The following NR2F1-AS1 variants were observed in gnomAD, a reference collection of about 807,000 sequenced individuals.
The protein encoded by NR2F1-AS1 is NR2F1 regulatory antisense RNA 1.
intron 4 of NR2F1-AS1, among the ~76,000 whole-genome samples, chr5:93,493,625 G>C (rs1395365455): frequency 6.6e-6 from 1 of 152,030 alleles, no homozygotes; most frequent in African/African-American, 2.4e-5. Flanking sequence ...AACCCAAGCA[G>C]TATGGTATTG....
At chr5:93,489,650 TAATAA>T (rs1750796492) in intron 4 of NR2F1-AS1, among the ~76,000 whole-genome samples, 1 of 152,102 alleles carries the variant, frequency 6.6e-6, no homozygotes, top group African/African-American at 2.4e-5. Flanking sequence ...CAGCCTAATT[TAATAA>T]AATTAAAAGA....
chr5:93,472,900 A>G (rs1044977551), intron 4 of NR2F1-AS1, among the ~76,000 whole-genome samples: 1 of 151,958 alleles, frequency 6.6e-6, no homozygotes, highest in Non-Finnish European at 1.5e-5. Flanking sequence ...AATCATTTAA[A>G]TAACCTGCTA....
chr5:93,520,390 C>T (rs1011064296), intron 4 of NR2F1-AS1, among the ~76,000 whole-genome samples: 3 of 152,006 alleles, frequency 2.0e-5, no homozygotes, highest in Non-Finnish European at 4.4e-5. Context: ...TGACAATGCT[C>T]AATTACTCAA....
chr5:93,498,671 A>G (rs567076094), intron 4 of NR2F1-AS1, among the ~76,000 whole-genome samples: 1 of 152,274 alleles, frequency 6.6e-6, no homozygotes, highest in African/African-American at 2.4e-5. Flanking sequence ...AAACATCTAT[A>G]CTGCAAATAG....
At chr5:93,509,188 A>T (rs1364004962) in intron 4 of NR2F1-AS1, among the ~76,000 whole-genome samples, 2 of 152,306 alleles carry the variant, frequency 1.3e-5, no homozygotes, top group East Asian at 3.9e-4. Flanking sequence ...GGTAAATCTC[A>T]AAAACAGAAT....
intron 4 of NR2F1-AS1, among the ~76,000 whole-genome samples, chr5:93,434,038 G>A (rs1031264217): frequency 2.6e-5 from 4 of 151,346 alleles, no homozygotes; most frequent in South Asian, 2.1e-4. Flanking sequence ...TTTTTTTAGC[G>A]TCTATCAATA....
chr5:93,524,022 A>G (rs1751559816), intron 4 of NR2F1-AS1, among the ~76,000 whole-genome samples: 1 of 152,112 alleles, frequency 6.6e-6, no homozygotes, highest in Non-Finnish European at 1.5e-5. Flanking sequence ...AATTGACAGA[A>G]GTAGACTTCA....
chr5:93,421,492 T>C (rs940191747), intron 4 of NR2F1-AS1, among the ~76,000 whole-genome samples: 10 of 152,216 alleles, frequency 6.6e-5, no homozygotes, highest in African/African-American at 2.2e-4. Flanking sequence ...TACAACCAGC[T>C]GCCCCCTCTT....
intron 4 of NR2F1-AS1, among the ~76,000 whole-genome samples, chr5:93,475,777 C>A (rs1463224472): frequency 6.6e-6 from 1 of 152,128 alleles, no homozygotes; most frequent in East Asian, 1.9e-4. Context: ...TTTGAGCACA[C>A]CTGTTTTGAA....
At chr5:93,573,305 G>A (rs907208385) in intron 1 of NR2F1-AS1, among the ~76,000 whole-genome samples, 4 of 152,214 alleles carry the variant, frequency 2.6e-5, no homozygotes, top group African/African-American at 9.6e-5. Context: ...CCCCTTGTTG[G>A]TAAAGGCGAG....
At chr5:93,434,197 A>C (rs1749387040) in intron 4 of NR2F1-AS1, among the ~76,000 whole-genome samples, 1 of 152,104 alleles carries the variant, frequency 6.6e-6, no homozygotes, top group Non-Finnish European at 1.5e-5. Context: ...TGATCAGTTT[A>C]GTGCAGTGAT....
intron 4 of NR2F1-AS1, among the ~76,000 whole-genome samples, chr5:93,545,405 T>G (rs1752060938): frequency 6.6e-6 from 1 of 152,214 alleles, no homozygotes; most frequent in African/African-American, 2.4e-5. Flanking sequence ...GAGTACTTGG[T>G]TATTTGACAA....
intron 4 of NR2F1-AS1, among the ~76,000 whole-genome samples, chr5:93,420,008 C>A (rs1749055133): frequency 6.6e-6 from 1 of 152,060 alleles, no homozygotes; most frequent in Admixed American, 6.6e-5. Context: ...ACAAGCCTGA[C>A]CAACAGGTGA....
chr5:93,483,923 C>T (rs1469881210), intron 4 of NR2F1-AS1, among the ~76,000 whole-genome samples: 1 of 152,100 alleles, frequency 6.6e-6, no homozygotes, highest in African/African-American at 2.4e-5. Flanking sequence ...AAGAAATGAA[C>T]AAAACCTCCA....
At chr5:93,440,326 T>C (rs533981016) in intron 4 of NR2F1-AS1, among the ~76,000 whole-genome samples, 5 of 152,322 alleles carry the variant, frequency 3.3e-5, no homozygotes, top group African/African-American at 1.2e-4. Flanking sequence ...TCTCCAAGGA[T>C]ATTTCTAGAT....
intron 4 of NR2F1-AS1, among the ~76,000 whole-genome samples, chr5:93,487,179 A>G (rs961916119): frequency 1.2e-4 from 19 of 152,324 alleles, no homozygotes; most frequent in African/African-American, 4.6e-4. Context: ...CCCTTGGAAA[A>G]TCGGCACAAG....
At chr5:93,566,773 T>C (rs1002005928) in intron 1 of NR2F1-AS1, among the ~76,000 whole-genome samples, 1 of 152,020 alleles carries the variant, frequency 6.6e-6, no homozygotes, top group African/African-American at 2.4e-5. Context: ...ACCATAGGGA[T>C]GGCTAAAGAT....
intron 4 of NR2F1-AS1, among the ~76,000 whole-genome samples, chr5:93,479,310 G>A (rs942836166): frequency 6.6e-6 from 1 of 152,178 alleles, no homozygotes; most frequent in Non-Finnish European, 1.5e-5. Flanking sequence ...GGCTGACGCA[G>A]CTTCCCAGGC....
intron 4 of NR2F1-AS1, chr5:93,543,038 G>A (rs1478630983): frequency 6.6e-6 from 1 of 152,228 alleles, no homozygotes; most frequent in Non-Finnish European, 1.5e-5. Context: ...CCCTCATTAG[G>A]ATTTACTGAC....
Sources: gnomAD v4.1 joint callset for allele counts (sites outside exome capture counted in the v4.1 genomes callset) on GRCh38, gnomAD v4.1.1 for gene constraint, MANE v1.5 for transcripts, NCBI Gene and HGNC (gene_info 2026-07-23, HGNC 2026-07-21) for gene names.